KCNIP1: variants seen among roughly 807,000 people sequenced by gnomAD.
KCNIP1 encodes the protein A-type potassium channel modulatory protein KCNIP1.
In KCNIP1, 18 loss-of-function variants were observed where a neutral mutation model predicts 33.0. The ratio of observed to expected loss-of-function variants is 0.55; its 90% CI spans 0.38 to 0.81. KCNIP1 has a LOEUF of 0.81. Ranked by LOEUF, KCNIP1 falls within the 30% of genes least tolerant of loss-of-function variation. The probability of loss-of-function intolerance (pLI) is 0.00; values close to 1 mark genes in which losing one functional copy is unlikely to be tolerated. For synonymous variants in KCNIP1, 93 were observed against 98.3 expected (o/e 0.95, Z 0.32); for missense variants, 238 against 271.6 (o/e 0.88, Z 0.87).
intron 1 of KCNIP1, among the ~76,000 whole-genome samples, chr5:170,601,214 G>A (rs13181997): frequency 0.19 from 28,360 of 152,270 alleles, 2,862 homozygotes; most frequent in Middle Eastern, 0.29. Flanking sequence ...TCCTGGTTTG[G>A]AGCTAATGGG....
intron 1 of KCNIP1, among the ~76,000 whole-genome samples, chr5:170,535,792 G>A (rs1177910859): frequency 6.6e-6 from 1 of 152,094 alleles, no homozygotes; most frequent in Non-Finnish European, 1.5e-5. Context: ...TACTTTTGAG[G>A]GAAAAAGTTC....
intron 1 of KCNIP1, among the ~76,000 whole-genome samples, chr5:170,621,536 T>C (rs1445440708): frequency 2.2e-4 from 34 of 152,258 alleles, no homozygotes; most frequent in Admixed American, 2.2e-3. Context: ...TATGTATTGA[T>C]TTATTGCTCT....
chr5:170,495,666 C>T (rs1010101515), intron 1 of KCNIP1, among the ~76,000 whole-genome samples: 4 of 152,226 alleles, frequency 2.6e-5, no homozygotes, highest in Admixed American at 2.0e-4. Context: ...CATATTCTTC[C>T]AGGCCTTTCA....
intron 1 of KCNIP1, among the ~76,000 whole-genome samples, chr5:170,656,539 G>A (rs1397948945): frequency 6.6e-6 from 1 of 152,190 alleles, no homozygotes; most frequent in African/African-American, 2.4e-5. Context: ...CTCAACAGGA[G>A]AGAGCTGGAC....
chr5:170,490,793 G>T (rs1033599058), intron 1 of KCNIP1, among the ~76,000 whole-genome samples: 3 of 152,084 alleles, frequency 2.0e-5, no homozygotes, highest in Non-Finnish European at 2.9e-5. Flanking sequence ...CTCTCCCCAA[G>T]CTCCCTAGGC....
At chr5:170,577,988 G>A (rs1387729441) in intron 1 of KCNIP1, among the ~76,000 whole-genome samples, 1 of 152,138 alleles carries the variant, frequency 6.6e-6, no homozygotes, top group Non-Finnish European at 1.5e-5. Context: ...GAACAACTTT[G>A]AACTACCCTG....
At chr5:170,684,148 T>C (rs951439582) in intron 1 of KCNIP1, among the ~76,000 whole-genome samples, 13 of 152,156 alleles carry the variant, frequency 8.5e-5, no homozygotes, top group Non-Finnish European at 1.6e-4. Flanking sequence ...CATTTATCAG[T>C]TGTGTGAGGT....
rs1763869544 is a variant in KCNIP1, at chr5:170,722,713, G to A, written c.328G>A (p.Asp110Asn). Residue 110 changes from aspartate to asparagine, a missense_variant and splice_region_variant, in exon 5 of 8, where the codon GAC (aspartate) becomes AAC (asparagine). Transcript: ENST00000328939. ...TCACTCTGCCTTTTCCCCTTCTCAGGACTTTGTAACCGCTCTGTCGATTTT... is the reference window on the plus strand; with the variant it reads ...TCACTCTGCCTTTTCCCCTTCTCAGAACTTTGTAACCGCTCTGTCGATTTT... Reference protein sequence around the residue: ...TTQTGSVKFEDFVTALSILLR... With the variant: ...TTQTGSVKFENFVTALSILLR... 2 of 1,608,506 alleles carry A rather than the reference G, an allele frequency of 1.2e-6. No homozygotes were observed. The highest frequency in any genetic ancestry group is 1.7e-6 in the Non-Finnish European group (2 of 1,175,122).
At chr5:170,623,902 C>T (rs935851698) in intron 1 of KCNIP1, among the ~76,000 whole-genome samples, 1 of 152,196 alleles carries the variant, frequency 6.6e-6, no homozygotes, top group African/African-American at 2.4e-5. Flanking sequence ...TCAGCCACAC[C>T]TGTGTCCCAG....
intron 1 of KCNIP1, among the ~76,000 whole-genome samples, chr5:170,528,247 C>T (rs1437228980): frequency 6.6e-6 from 1 of 152,200 alleles, no homozygotes; most frequent in Non-Finnish European, 1.5e-5. Flanking sequence ...TTCCCTTCCC[C>T]AGTCTGCAGC....
intron 1 of KCNIP1, among the ~76,000 whole-genome samples, chr5:170,718,171 C>T (rs778510618): frequency 6.6e-6 from 1 of 152,072 alleles, no homozygotes; most frequent in Non-Finnish European, 1.5e-5. Context: ...AAAGTAGCTC[C>T]CATTTAAGAT....
At chr5:170,701,351 C>T (rs944516218) in intron 1 of KCNIP1, among the ~76,000 whole-genome samples, 2 of 152,174 alleles carry the variant, frequency 1.3e-5, no homozygotes, top group Non-Finnish European at 2.9e-5. Context: ...TGATGAGAAG[C>T]ACTGCTATCT....
At chr5:170,723,611 CATTT>C (rs1454575449) in intron 5 of KCNIP1, among the ~76,000 whole-genome samples, 2 of 152,194 alleles carry the variant, frequency 1.3e-5, no homozygotes, top group Non-Finnish European at 2.9e-5. Context: ...ATTCCTCATT[CATTT>C]AGTCATGTTT....
chr5:170,715,753 A>G (rs191763554), intron 1 of KCNIP1, among the ~76,000 whole-genome samples: 1 of 152,236 alleles, frequency 6.6e-6, no homozygotes, highest in African/African-American at 2.4e-5. Flanking sequence ...CCATAGTATT[A>G]CATCTCAAGT....
intron 1 of KCNIP1, among the ~76,000 whole-genome samples, chr5:170,602,760 G>A (rs944641704): frequency 2.0e-5 from 3 of 152,146 alleles, no homozygotes; most frequent in Admixed American, 6.5e-5. Flanking sequence ...TGGCCCTGGC[G>A]GATGGGTCTC....
intron 1 of KCNIP1, among the ~76,000 whole-genome samples, chr5:170,433,192 A>G (rs1025776841): frequency 4.6e-5 from 7 of 151,980 alleles, no homozygotes; most frequent in African/African-American, 7.2e-5. Flanking sequence ...TATTTTATTT[A>G]TTACTATTTT....
chr5:170,730,731 C>T lies in KCNIP1; in HGVS notation c.436-2069C>T, dbSNP rs111958206. 3.6e-3 allele frequency among the ~76,000 whole-genome samples: 549 copies of T among 152,000 alleles called. 3 individuals are homozygous for T. Among genetic ancestry groups the T allele is most frequent in the African/African-American group, 0.012 (502 of 41,474 alleles). On this transcript the variant is annotated intron_variant, in intron 5 of 7. Coordinates refer to ENST00000328939, the MANE Select transcript of KCNIP1 (RefSeq NM_014592.4). ...ACTTTGATTTCTAAATACCATTCTTCGATAAACAGAACCAGTCTTCTTGAA... is the reference window on the plus strand; with the variant it reads ...ACTTTGATTTCTAAATACCATTCTTTGATAAACAGAACCAGTCTTCTTGAA...
Position 170,443,898 on chromosome 5 carries a change from C to A in KCNIP1, c.88+89934C>A, listed in dbSNP as rs141669752. On this transcript the variant is annotated intron_variant, in intron 1 of 7. Coordinates refer to the KCNIP1 transcript ENST00000377360. ...AAGAGAAAGGGAGTCAGGCCCAGGG[C>A]AGGGGTGGGGGCTGGGGTCTGCTTT... is the stretch of plus-strand genomic sequence containing the variant. 9.5e-3 allele frequency among the ~76,000 whole-genome samples: 1,453 copies of A among 152,290 alleles called. 12 individuals are homozygous for A. Among genetic ancestry groups the A allele is most frequent in the South Asian group, 0.033 (157 of 4,822 alleles).
chr5:170,506,725 G>C (rs1754733950), intron 1 of KCNIP1, among the ~76,000 whole-genome samples: 1 of 152,182 alleles, frequency 6.6e-6, no homozygotes, highest in Non-Finnish European at 1.5e-5. Context: ...ATGTTCGTTT[G>C]AGGCTCATAG....
Sources: allele counts gnomAD v4.1 joint callset (sites outside exome capture counted in the v4.1 genomes callset), GRCh38; gene constraint gnomAD v4.1.1; transcripts MANE v1.5; gene names NCBI Gene and HGNC (gene_info 2026-07-23, HGNC 2026-07-21).